The following PLAAT1 variants were observed in gnomAD, a reference collection of about 807,000 sequenced individuals.
PLAAT1 encodes H-REV107 protein-related protein.
A neutral mutation model predicts 16.4 loss-of-function variants in PLAAT1; 13 were observed. That is an observed-to-expected ratio of 0.79 (90% confidence interval 0.52 to 1.26). The LOEUF (loss-of-function observed/expected upper bound fraction) is 1.26. PLAAT1 is among the 50% of genes most tolerant of loss of function. The pLI is 0.00. For synonymous variants in PLAAT1, 73 were observed against 78.4 expected, an observed-to-expected ratio of 0.93 and a Z score of 0.36; for missense variants, 218 against 207.8, an observed-to-expected ratio of 1.05 and a Z score of -0.30.
chr3:193,275,490 C>T (rs1297162406), downstream of PLAAT1, among the ~76,000 whole-genome samples: 3 of 152,196 alleles, frequency 2.0e-5, no homozygotes, highest in Admixed American at 6.5e-5. Context: ...CTTGTTTTCA[C>T]GGAAATCTGC....
At chr3:193,259,579 A>G (rs1251174863) in intron 2 of PLAAT1, among the ~76,000 whole-genome samples, 1 of 152,228 alleles carries the variant, frequency 6.6e-6, no homozygotes, top group Non-Finnish European at 1.5e-5. Context: ...TTTATACACC[A>G]GTAACATTCT....
chr3:193,250,663 G>A (rs12631971), intron 1 of PLAAT1, among the ~76,000 whole-genome samples: 137,373 of 152,094 alleles, frequency 0.9, 62,258 homozygotes, highest in East Asian at 0.98. Flanking sequence ...CAAGCCAGAG[G>A]AAAAGGTGTA....
chr3:193,258,005 A>G (rs1006327502), intron 2 of PLAAT1, among the ~76,000 whole-genome samples: 6 of 152,078 alleles, frequency 3.9e-5, no homozygotes, highest in African/African-American at 1.4e-4. Flanking sequence ...TACTTTTGAG[A>G]TTTTGGGACT....
downstream of PLAAT1, among the ~76,000 whole-genome samples, chr3:193,278,852 C>T (rs1301172323): frequency 1.3e-5 from 2 of 152,154 alleles, no homozygotes; most frequent in Non-Finnish European, 2.9e-5. Context: ...ATTTCTCTCA[C>T]AATACGGGGT....
In PLAAT1 at chr3:193,270,585, A is replaced by T. The variant is rs777672916; in HGVS notation, c.406-19A>T. On this transcript the variant is annotated intron_variant, in intron 3 of 3. Transcript: ENST00000264735. The stretch of plus-strand genomic sequence containing the variant: ...TTAGAATATGATGTGTTTTTTGTTT[A>T]CTTCTTGTTTCCTTATAGGCCAACC... 4 of 1,602,968 alleles carry T rather than the reference A, an allele frequency of 2.5e-6. No individual in the cohort carries two copies. In the Admixed American group the frequency reaches 5.2e-5, roughly 21 times the overall value.
downstream of PLAAT1, among the ~76,000 whole-genome samples, chr3:193,278,939 T>C (rs1044242073): frequency 1.3e-5 from 2 of 152,236 alleles, no homozygotes; most frequent in African/African-American, 4.8e-5. Flanking sequence ...TCCACTGATA[T>C]AAAACTTCAT....
chr3:193,255,619 T>G, intron 1 of PLAAT1, 32 bp from the exon 2 acceptor site: 3 of 1,577,612 alleles, frequency 1.9e-6, no homozygotes, highest in Middle Eastern at 1.7e-4. Context: ...CAAGTTGTAT[T>G]AGCTAGCTCT....
downstream of PLAAT1, chr3:193,275,059 A>G (rs1396087464): frequency 6.2e-7 from 1 of 1,614,044 alleles, no homozygotes; most frequent in African/African-American, 1.3e-5. Flanking sequence ...CTGGCCCAGA[A>G]ATGCTGTTCT....
intron 1 of PLAAT1, among the ~76,000 whole-genome samples, chr3:193,248,587 T>C (rs1464049335): frequency 6.6e-6 from 1 of 152,098 alleles, no homozygotes; most frequent in Non-Finnish European, 1.5e-5. Context: ...CTACTAAGAA[T>C]TTTTCCTTTG....
chr3:193,255,743 G>A lies in PLAAT1; in HGVS notation c.93G>A (p.Trp31Ter). 6.2e-7 allele frequency: 1 copy of A among 1,612,756 alleles called. No individual in the cohort carries two copies. The highest frequency in any genetic ancestry group is 8.5e-7 in the Non-Finnish European group (1 of 1,179,200). Residue 31 changes from tryptophan to a stop codon, truncating the protein, a stop_gained, in exon 2 of 4, where the codon TGG (tryptophan) becomes TGA (stop). Coordinates refer to ENST00000264735, the MANE Select transcript of PLAAT1 (RefSeq NM_020386.5). LOFTEE classifies it high-confidence loss of function. Reference protein sequence around the residue: ...IEVFRPGYQHWALYLGDGYVI... With the variant: ...IEVFRPGYQH ...TGTTCCGTCCTGGCTATCAGCACTG[G>A]GCCCTGTACTTGGGTGATGGTTACG...
chr3:193,257,158 G>A (rs535503583), intron 2 of PLAAT1, among the ~76,000 whole-genome samples: 2 of 152,078 alleles, frequency 1.3e-5, no homozygotes, highest in South Asian at 2.1e-4. Flanking sequence ...GATCCAACAC[G>A]AAAGAGCTAA....
upstream of PLAAT1, among the ~76,000 whole-genome samples, chr3:193,240,687 T>TGTG (rs1277878870): frequency 2.2e-5 from 1 of 46,076 alleles, no homozygotes; most frequent in South Asian, 6.9e-4. Flanking sequence ...GTGTGTGTGG[T>TGTG]TGGAGGTCTC....
chr3:193,276,873 C>G, intron 2 of PLAAT1: 1 of 1,391,072 alleles, frequency 7.2e-7, no homozygotes, highest in Non-Finnish European at 1.0e-6. Context: ...GCACACTTCA[C>G]ACTTTGAAAA....
intron 2 of PLAAT1, among the ~76,000 whole-genome samples, chr3:193,276,587 T>A (rs1397028029): frequency 6.6e-6 from 1 of 152,100 alleles, no homozygotes; most frequent in Non-Finnish European, 1.5e-5. Context: ...TTTAAATCAT[T>A]CCCCCCAAAA....
rs375226494 is a variant in PLAAT1 at position 193,241,401 on chromosome 3, G to C, written c.-133G>C. Reference sequence around the variant, plus strand: ...GTGATGGCTGGCGCCTGCCTCCCGGGTGTCTCCCGGGTACAGATGGAGTCG... The same window carrying C: ...GTGATGGCTGGCGCCTGCCTCCCGGCTGTCTCCCGGGTACAGATGGAGTCG... On this transcript the variant is annotated 5_prime_UTR_variant, in exon 1 of 4. Coordinates refer to ENST00000264735, the MANE Select transcript of PLAAT1 (RefSeq NM_020386.5). The C allele has an allele frequency of 7.1e-5, 88 of 1,231,802 alleles. No individual in the cohort carries two copies. The African/African-American group carries it at 1.3e-3, about 18-fold the overall frequency. The allele number at this position is 1,231,802 out of a possible 1,614,324, so 76.3% of individuals were successfully genotyped here. A position where few individuals can be genotyped will look rare whatever the true frequency, so the allele number is the denominator to read the frequency against.
intron 2 of PLAAT1, among the ~76,000 whole-genome samples, chr3:193,261,840 A>G (rs563406839): frequency 6.6e-6 from 1 of 152,314 alleles, no homozygotes; most frequent in Non-Finnish European, 1.5e-5. Flanking sequence ...GCATGTGGTT[A>G]TTAAAAATAT....
In PLAAT1 at chr3:193,270,740, T is replaced by G. The variant is rs1268971725; in HGVS notation, c.*35T>G. On this transcript the variant is annotated 3_prime_UTR_variant, in exon 4 of 4. Transcript: ENST00000264735. ...AAAGAGATATTGATATTGAAGGAAT[T>G]TGGGAGGAGGAAAAGAAACCTGGGG... The G allele has an allele frequency of 1.2e-6, 2 of 1,600,772 alleles. No individual in the cohort carries two copies. The highest frequency in any genetic ancestry group is 1.7e-6 in the Non-Finnish European group (2 of 1,172,808).
At position 193,257,746 on chromosome 3, in the gene PLAAT1, C is replaced by T. The variant is rs143078030; in HGVS notation, c.139+1957C>T. On this transcript the variant is annotated intron_variant, in intron 2 of 3. Transcript: ENST00000264735. ...CAGTGGGCTAGGAGAGACAGACCCA[C>T]CCTCAATCTGGGTGGGCACCATCTA... Among the ~76,000 whole-genome samples the T allele has an allele frequency of 4.9e-3, 745 of 152,170 alleles. 7 individuals are homozygous for T. Among genetic ancestry groups the T allele is most frequent in the African/African-American group, 0.017 (710 of 41,522 alleles).
At chr3:193,279,585 T>C, downstream of PLAAT1, 1 of 670,298 alleles carries the variant, frequency 1.5e-6, no homozygotes, top group South Asian at 1.8e-5. Context: ...TATATCCTCA[T>C]ATGTTTTGAA....
Sources: gnomAD v4.1 joint callset for allele counts (sites outside exome capture counted in the v4.1 genomes callset) on GRCh38, gnomAD v4.1.1 for gene constraint, MANE v1.5 for transcripts, NCBI Gene and HGNC (gene_info 2026-07-23, HGNC 2026-07-21) for gene names.